Variants in DNAH11 observed in about 807,000 individuals in gnomAD.
The protein encoded by DNAH11 is axonemal beta dynein heavy chain 11.
In DNAH11, 442 loss-of-function variants were observed where a neutral mutation model predicts 526.0. The observed-to-expected ratio is 0.84, with a 90% CI of 0.78 to 0.91. The LOEUF is 0.91. Among genes scored for constraint, DNAH11 ranks in the 40% least tolerant of loss-of-function variants. The probability of loss-of-function intolerance (pLI) is 0.00; values close to 1 mark genes in which losing one functional copy is unlikely to be tolerated. For missense variants in DNAH11, 6,989 were observed against 5,448.7 expected (o/e 1.28, Z -8.90); for synonymous variants, 2,461 against 1,935.9 (o/e 1.27, Z -7.12).
intron 7 of DNAH11, among the ~76,000 whole-genome samples, chr7:21,571,501 A>T (rs1783887631): frequency 1.3e-5 from 2 of 152,136 alleles, no homozygotes; most frequent in South Asian, 2.1e-4. Flanking sequence ...GTTGGTTTCA[A>T]ACTCCTGGGC....
intron 51 of DNAH11, among the ~76,000 whole-genome samples, chr7:21,745,312 C>T (rs945726171): frequency 2.6e-5 from 4 of 152,180 alleles, no homozygotes; most frequent in Admixed American, 1.3e-4. Flanking sequence ...AAAGTGGAAA[C>T]ATAAATTACT....
At chr7:21,768,501 G>A (rs1787281402) in intron 55 of DNAH11, among the ~76,000 whole-genome samples, 1 of 152,212 alleles carries the variant, frequency 6.6e-6, no homozygotes, top group South Asian at 2.1e-4. Context: ...GGATGGTGTA[G>A]AGTAGATCTG....
intron 65 of DNAH11, among the ~76,000 whole-genome samples, chr7:21,833,416 G>A (rs1020717659): frequency 1.3e-5 from 2 of 152,154 alleles, no homozygotes; most frequent in Admixed American, 6.5e-5. Context: ...GGATGGGCTG[G>A]GCACAGTGGC....
chr7:21,803,972 G>A (rs1046381825), intron 62 of DNAH11, among the ~76,000 whole-genome samples: 45 of 152,236 alleles, frequency 3.0e-4, no homozygotes, highest in African/African-American at 1.1e-3. Flanking sequence ...TTCATCTCAT[G>A]GGACTGGGCA....
chr7:21,803,398 T>C (rs967416210), intron 62 of DNAH11, among the ~76,000 whole-genome samples: 22 of 152,186 alleles, frequency 1.4e-4, no homozygotes, highest in Admixed American at 1.0e-3. Flanking sequence ...CCCTCATGCA[T>C]TTTGCCTCAT....
At chr7:21,748,462 C>A in intron 51 of DNAH11, 118 bp from the exon 52 acceptor site, 1 of 1,170,550 alleles carries the variant, frequency 8.5e-7, no homozygotes, top group South Asian at 3.6e-5. Flanking sequence ...GCACTCCGGC[C>A]TGGGCAACAG....
intron 8 of DNAH11, among the ~76,000 whole-genome samples, chr7:21,575,899 G>A (rs770778044): frequency 1.6e-4 from 24 of 152,062 alleles, no homozygotes; most frequent in African/African-American, 3.6e-4. Context: ...AAACAACTGC[G>A]CATTCCATCA....
chr7:21,545,269 G>T (rs1406548846), intron 2 of DNAH11, 120 bp downstream of exon 2: 3 of 240,180 alleles, frequency 1.2e-5, no homozygotes, highest in South Asian at 8.7e-5. Context: ...GGGGATGGGG[G>T]TGGTTAAAAA....
rs1056134753 is a variant in DNAH11, at chr7:21,699,038, T to C, written c.6180+825T>C. On this transcript the variant is annotated intron_variant, in intron 36 of 81. Transcript: ENST00000409508. ...TAAATCAACGAGCTGTGTGATTTTC[T>C]TTGTCAATTTTGTAATCATAAATGG... Among the ~76,000 whole-genome samples, 7 of 152,076 alleles carry C rather than the reference T, an allele frequency of 4.6e-5. No individual in the cohort carries two copies. In the East Asian group the frequency reaches 5.8e-4, roughly 13 times the overall value.
intron 61 of DNAH11, among the ~76,000 whole-genome samples, chr7:21,800,048 G>A (rs1212434800): frequency 1.3e-5 from 2 of 152,164 alleles, no homozygotes; most frequent in Non-Finnish European, 2.9e-5. Flanking sequence ...AAGGCACAAA[G>A]ACAAACTCAT....
chr7:21,850,331 G>A (rs1782577984), intron 66 of DNAH11, among the ~76,000 whole-genome samples: 1 of 147,966 alleles, frequency 6.8e-6, no homozygotes, highest in Admixed American at 6.7e-5. Flanking sequence ...GCTCCAGCCT[G>A]GGCGACAGAG....
At chr7:21,789,373 C>T (rs1788335592) in intron 61 of DNAH11, 31 bp downstream of exon 61, 2 of 1,492,118 alleles carry the variant, frequency 1.3e-6, no homozygotes, top group Admixed American at 4.1e-5. Flanking sequence ...TGAAAAGGTT[C>T]CCAAGAGGTG....
At chr7:21,576,337 T>C (rs1461858313) in intron 8 of DNAH11, among the ~76,000 whole-genome samples, 2 of 152,164 alleles carry the variant, frequency 1.3e-5, no homozygotes, top group African/African-American at 2.4e-5. Context: ...AAAATGTCTA[T>C]TGCAGGAAGC....
At chr7:21,623,291 C>T (rs1402529452) in intron 25 of DNAH11, among the ~76,000 whole-genome samples, 2 of 150,874 alleles carry the variant, frequency 1.3e-5, no homozygotes, top group African/African-American at 4.8e-5. Context: ...GTTAGAATGG[C>T]AATCATTAAA....
chr7:21,815,198 A>G (rs576232303), intron 63 of DNAH11, among the ~76,000 whole-genome samples: 26 of 151,792 alleles, frequency 1.7e-4, no homozygotes, highest in Non-Finnish European at 3.5e-4. Context: ...TTTTAGCTTC[A>G]GAAATCAAAG....
Position 21,765,530 on chromosome 7 carries a change from C to A in DNAH11, c.9043C>A (p.Pro3015Thr), listed in dbSNP as rs1182550735. ...GGCTATTGACTGGTTTCATGCGTGG[C>A]CGCAGGAGGCTCTGGTCTCCGTCAG... ...CTAIDWFHAW[P>T]QEALVSVSRR... The change falls in exon 55 of 82, where the codon CCG becomes ACG. Residue 3015 changes from proline (P) to threonine (T), a missense_variant. Pro to Thr is a conservative substitution (Grantham distance 38). Coordinates refer to ENST00000409508, the MANE Select transcript of DNAH11 (RefSeq NM_001277115.2). The A allele has an allele frequency of 6.3e-7, 1 of 1,595,378 alleles. No individual in the cohort carries two copies. The highest frequency in any genetic ancestry group is 8.6e-7 in the Non-Finnish European group (1 of 1,166,896).
rs72657309 is a variant in DNAH11 at position 21,615,262 on chromosome 7, T to C, written c.4001T>C (p.Ile1334Thr). The change falls in exon 21 of 82, where the codon ATT (isoleucine) becomes ACT (threonine). Residue 1334 changes from isoleucine (I) to threonine (T), a missense_variant. Ile to Thr is a moderately conservative substitution (Grantham distance 89). Transcript: ENST00000409508. ...KLLKGLWDVI[I>T]YVRRSIDNWT... ...CTCAAGGGACTGTGGGATGTCATTA[T>C]TTATGTTCGAGTAAGATGTGCTTTT... is the stretch of plus-strand genomic sequence containing the variant. 3,522 of 1,612,038 alleles carry C rather than the reference T, an allele frequency of 2.2e-3. 4 individuals are homozygous for C. Among genetic ancestry groups the C allele is most frequent in the Non-Finnish European group, 2.7e-3 (3,187 of 1,178,896 alleles).
chr7:21,570,473 T>A, intron 7 of DNAH11, 174 bp downstream of exon 7: 1 of 494,488 alleles, frequency 2.0e-6, no homozygotes, highest in East Asian at 3.2e-5. Context: ...GGGCATTTTT[T>A]AAATCTTTAA....
At chr7:21,553,195 T>C (rs921677494) in intron 2 of DNAH11, among the ~76,000 whole-genome samples, 2 of 151,300 alleles carry the variant, frequency 1.3e-5, no homozygotes, top group Non-Finnish European at 2.9e-5. Context: ...ATTAATTTTC[T>C]TTCCTCCTCC....
Sources: gnomAD v4.1 joint callset for allele counts (sites outside exome capture counted in the v4.1 genomes callset) on GRCh38, gnomAD v4.1.1 for gene constraint, MANE v1.5 for transcripts, NCBI Gene and HGNC (gene_info 2026-07-23, HGNC 2026-07-21) for gene names.